Variants in CRLF1 observed in about 807,000 individuals in gnomAD.
The protein encoded by CRLF1 is cytokine receptor-like factor 1.
CRLF1 carries 36 observed loss-of-function variants against 48.9 expected under a neutral mutation model. That is an observed-to-expected ratio of 0.74 (90% CI 0.56 to 0.97). The LOEUF (loss-of-function observed/expected upper bound fraction) is 0.97. Ranked by LOEUF, CRLF1 falls within the 50% of genes least tolerant of loss-of-function variation. CRLF1 has a pLI of 0.00. For synonymous variants in CRLF1, 256 were observed against 253.4 expected (o/e 1.01, Z -0.10); for missense variants, 534 against 575.1 (o/e 0.93, Z 0.73).
chr19:18,594,284 C>G lies in CRLF1; in HGVS notation c.1175G>C (p.Arg392Pro), dbSNP rs371082999. 6.2e-7 allele frequency: 1 copy of G among 1,612,604 alleles called. No individual in the cohort carries two copies. The highest frequency in any genetic ancestry group is 1.1e-5 in the South Asian group (1 of 91,056). ...CTTGTGCGACTTCTGCATCCAGGCT[C>G]GCCACTGGTCGTAGAGGCGGAAGCT... ...NLSFRLYDQW[R>P]AWMQKSHKTR... The change falls in exon 7 of 9, where the codon CGA (arginine) becomes CCA (proline). Residue 392 changes from arginine (R) to proline (P), a missense_variant. By Grantham distance (103) the Arg-to-Pro change is moderately radical. Coordinates refer to ENST00000392386, the MANE Select transcript of CRLF1 (RefSeq NM_004750.5).
rs1488202792 is a variant in CRLF1 at position 18,606,045 on chromosome 19, G to A, written c.115+497C>T. On this transcript the variant is annotated intron_variant, in intron 1 of 8. Transcript: ENST00000392386. The surrounding 1 kb of genome is among the most constrained non-coding windows in gnomAD (Gnocchi z 4.8). ...GCCCGTGGAGACACAAGTCCCCCGG[G>A]ACCCCGGGCTGCGCGCCAGGCGGCC... 6.6e-6 allele frequency among the ~76,000 whole-genome samples: 1 copy of A among 151,712 alleles called. No individual in the cohort carries two copies. The highest frequency in any genetic ancestry group is 2.0e-4 in the East Asian group (1 of 5,114).
chr19:18,598,066 C>A (rs1976165519), intron 4 of CRLF1, among the ~76,000 whole-genome samples: 2 of 152,154 alleles, frequency 1.3e-5, no homozygotes, highest in Admixed American at 6.5e-5. Context: ...CATTTCCTGC[C>A]TCCCGCCCTG....
chr19:18,600,376 T>TC (rs1976205206), intron 1 of CRLF1, among the ~76,000 whole-genome samples: 1 of 150,368 alleles, frequency 6.7e-6, no homozygotes, highest in Non-Finnish European at 1.5e-5. Flanking sequence ...CTTTTGTATT[T>TC]TTTTTTTTTT....
rs1194403944 is a variant in CRLF1, at chr19:18,596,948, G to A, written c.799C>T (p.Leu267Phe). The A allele has an allele frequency of 6.8e-6, 11 of 1,614,022 alleles. No individual in the cohort carries two copies. The highest frequency in any genetic ancestry group is 8.5e-6 in the Non-Finnish European group (10 of 1,180,044). The change falls in exon 5 of 9, where the codon CTC (leucine) becomes TTC (phenylalanine). Residue 267 changes from leucine to phenylalanine, a missense_variant. Physicochemically the swap from Leu to Phe is conservative, Grantham distance 22. This residue lies in a region of CRLF1 where 528 missense variants were observed against 555.7 expected (regional missense o/e 0.95). Transcript: ENST00000392386. ...CGGATCTGGTATTTGGCTTGAAAGAGGAAATCCTTGAGGGCGGGTGGCGAC... is the reference window on the plus strand; with the variant it reads ...CGGATCTGGTATTTGGCTTGAAAGAAGAAATCCTTGAGGGCGGGTGGCGAC... Reference protein sequence around the residue: ...WVSPPALKDFLFQAKYQIRYR... With the variant: ...WVSPPALKDFFFQAKYQIRYR...
rs373564660 is a variant in CRLF1, at chr19:18,599,601, C to T, written c.361G>A (p.Gly121Ser). 41 of 1,612,860 alleles carry T rather than the reference C, an allele frequency of 2.5e-5. No individual in the cohort carries two copies. The highest frequency in any genetic ancestry group is 3.2e-5 in the Non-Finnish European group (38 of 1,180,022). Residue 121 changes from glycine (G) to serine (S), a missense_variant, in exon 2 of 9, where the codon GGC (glycine) becomes AGC (serine). Transcript: ENST00000392386. ...AGGCAGGAGCCAGCCAGGATGCTGC[C>T]GTCACGGGCGTGGCACACGAGGTTG... The part of the protein sequence containing the change: ...GDNLVCHARD[G>S]SILAGSCLYV...
At chr19:18,594,180 C>T in intron 7 of CRLF1, 67 bp downstream of exon 7, 1 of 1,601,674 alleles carries the variant, frequency 6.2e-7, no homozygotes, top group East Asian at 2.3e-5. Context: ...TCTTCCCCCT[C>T]CCCTGTTTTC....
In CRLF1 at chr19:18,595,846, C is replaced by T. The variant is rs183566347; in HGVS notation, c.1024+776G>A. On this transcript the variant is annotated intron_variant, in intron 6 of 8. Transcript: ENST00000392386. Reference sequence around the variant, plus strand: ...CTAGGCACCTAATCATTCCCATCCCCCTGCCTTGATCAGAAGGAGAAATTG... The same window carrying T: ...CTAGGCACCTAATCATTCCCATCCCTCTGCCTTGATCAGAAGGAGAAATTG... Among the ~76,000 whole-genome samples the T allele has an allele frequency of 2.0e-5, 3 of 152,220 alleles. No individual in the cohort carries two copies. In the South Asian group the frequency reaches 6.2e-4, roughly 32 times the overall value.
chr19:18,598,111 G>A (rs555751720), intron 4 of CRLF1, among the ~76,000 whole-genome samples: 14 of 152,158 alleles, frequency 9.2e-5, no homozygotes, highest in South Asian at 2.1e-4. Flanking sequence ...TTCCTGGGGC[G>A]CCTCCCGACC....
rs74447334 is a variant in CRLF1, at chr19:18,596,881, G to A, written c.855+11C>T. ...AGGAACAGGGGCGGAGTCAGGGAAG[G>A]GGAGGGTCACCTTCCAGTCCACACT... On this transcript the variant is annotated intron_variant, in intron 5 of 8. Coordinates refer to ENST00000392386, the MANE Select transcript of CRLF1 (RefSeq NM_004750.5). The A allele has an allele frequency of 2.2e-3, 3,582 of 1,614,040 alleles. 72 individuals are homozygous for A. The African/African-American group carries it at 0.042, about 19-fold the overall frequency.
intron 1 of CRLF1, among the ~76,000 whole-genome samples, chr19:18,601,990 A>G (rs1465101262): frequency 6.6e-6 from 1 of 152,082 alleles, no homozygotes; most frequent in Non-Finnish European, 1.5e-5. Context: ...GTTTCCCTCC[A>G]CTCAGTTTTC....
chr19:18,594,032 T>TGGGGGG, intron 8 of CRLF1, 33 bp downstream of exon 8: 966 of 694,006 alleles, frequency 1.4e-3, no homozygotes, highest in Non-Finnish European at 1.9e-3. Flanking sequence ...CTCCCCTTGC[T>TGGGGGG]CCCTCCCGCC....
chr19:18,602,340 G>A (rs191133335), intron 1 of CRLF1, among the ~76,000 whole-genome samples: 1 of 152,348 alleles, frequency 6.6e-6, no homozygotes, highest in African/African-American at 2.4e-5. Flanking sequence ...TGGGTGCGGT[G>A]GCTCATGCCT....
Position 18,593,497 on chromosome 19 carries a change from G to A in CRLF1, c.*69C>T, listed in dbSNP as rs1012582085. ...AGGTGCCCTGAAGTGAGGGTACAGA[G>A]GTGGCCCCAGTTTGGGTTCGGCCTC... On this transcript the variant is annotated 3_prime_UTR_variant, in exon 9 of 9. Coordinates refer to ENST00000392386, the MANE Select transcript of CRLF1 (RefSeq NM_004750.5). The A allele has an allele frequency of 1.9e-6, 3 of 1,597,740 alleles. No individual in the cohort carries two copies. In the African/African-American group the frequency reaches 4.0e-5, roughly 21 times the overall value.
intron 1 of CRLF1, among the ~76,000 whole-genome samples, chr19:18,600,373 A>ATG (rs1976205043): frequency 9.3e-6 from 1 of 107,774 alleles, no homozygotes; most frequent in Non-Finnish European, 1.8e-5. Context: ...TAACTTTTGT[A>ATG]TTTTTTTTTT....
chr19:18,594,030 G>GCGGGGGGGGGCCCCCCC, intron 8 of CRLF1, 35 bp downstream of exon 8: 2 of 1,315,302 alleles, frequency 1.5e-6, no homozygotes, highest in Non-Finnish European at 2.1e-6. Context: ...CCCTCCCCTT[G>GCGGGGGGGGGCCCCCCC]CTCCCTCCCG....
In CRLF1 at chr19:18,599,662, C is replaced by G; in HGVS notation, c.300G>C (p.Leu100=). 1 of 1,613,394 alleles carries G rather than the reference C, an allele frequency of 6.2e-7. No homozygotes were observed. The highest frequency in any genetic ancestry group is 2.2e-5 in the East Asian group (1 of 44,862). ...VLNASTLALA[L]ANLNGSRQRS... is the part of the protein sequence containing the mutation. ...GCTGCCTGGACCCATTGAGGTTGGC[C>G]AGGGCCAGAGCCAAGGTGGAGGCGT... Residue 100 remains leucine (L), a synonymous_variant, in exon 2 of 9, where the codon CTG becomes CTC. Coordinates refer to ENST00000392386, the MANE Select transcript of CRLF1 (RefSeq NM_004750.5).
In CRLF1 at chr19:18,593,528, C is replaced by T. The variant is rs751540772; in HGVS notation, c.*38G>A. Reference sequence around the variant, plus strand: ...CCCAGTTTGGGTTCGGCCTCTGCGTCTCCACGTGGCAGGGAGGGTGGCCTG... The same window carrying T: ...CCCAGTTTGGGTTCGGCCTCTGCGTTTCCACGTGGCAGGGAGGGTGGCCTG... On this transcript the variant is annotated 3_prime_UTR_variant, in exon 9 of 9. Transcript: ENST00000392386. 6.2e-6 allele frequency: 10 copies of T among 1,609,514 alleles called. No individual in the cohort carries two copies. The highest frequency in any genetic ancestry group is 1.7e-5 in the Admixed American group (1 of 59,506).
In CRLF1 at chr19:18,606,752, G is replaced by T; in HGVS notation, c.-96C>A. On this transcript the variant is annotated 5_prime_UTR_variant, in exon 1 of 9. In the 5' UTR this introduces an upstream ATG that the reference lacks. Coordinates refer to ENST00000392386, the MANE Select transcript of CRLF1 (RefSeq NM_004750.5). This position sits in a 1 kb window ranked among gnomAD's most constrained non-coding sequence, Gnocchi z 4.8. The stretch of plus-strand genomic sequence containing the variant: ...GCCGGGCGCGGGAGGGCGCGGGCCA[G>T]GCCGCCCGCACGTCGCTGGGCGCGG... 1 of 149,780 alleles carries T rather than the reference G, an allele frequency of 6.7e-6. No individual in the cohort carries two copies. The highest frequency in any genetic ancestry group is 2.0e-4 in the South Asian group (1 of 5,004). 9.3% of individuals were successfully genotyped at this position (149,780 alleles called of 1,614,324 possible). A position where few individuals can be genotyped will look rare whatever the true frequency, so the allele number is the denominator to read the frequency against.
At chr19:18,594,155 G>T in intron 7 of CRLF1, 48 bp from the exon 8 acceptor site, 1 of 1,591,416 alleles carries the variant, frequency 6.3e-7, no homozygotes, top group South Asian at 1.1e-5. Flanking sequence ...GCAGACCTGC[G>T]TCCACAGCCT....
Sources: allele counts gnomAD v4.1 joint callset (sites outside exome capture counted in the v4.1 genomes callset), GRCh38; gene constraint gnomAD v4.1.1; regional missense constraint gnomAD v4.1.1; non-coding constraint Gnocchi (gnomAD v3.1); transcripts MANE v1.5; gene names NCBI Gene and HGNC (gene_info 2026-07-23, HGNC 2026-07-21).